Variants in SYNPR observed in about 807,000 individuals in gnomAD.
SYNPR encodes the protein synaptoporin.
SYNPR carries 23 observed loss-of-function variants against 32.9 expected under a neutral mutation model. The observed-to-expected ratio is 0.70, with a 90% CI of 0.50 to 0.99. The LOEUF is 0.99. Among genes scored for constraint, SYNPR ranks in the 50% least tolerant of loss-of-function variants. The pLI, the probability that SYNPR is intolerant of heterozygous loss-of-function variation, is 0.00. For missense variants in SYNPR, 318 were observed against 349.3 expected (o/e 0.91, Z 0.71); for synonymous variants, 146 against 135.9 (o/e 1.07, Z -0.52).
chr3:63,382,070 A>G (rs1019831278), intron 2 of SYNPR, among the ~76,000 whole-genome samples: 3 of 152,154 alleles, frequency 2.0e-5, no homozygotes, highest in African/African-American at 7.2e-5. Flanking sequence ...ACATCAGACA[A>G]TGTTATTATT....
chr3:63,437,360 G>T (rs1264946047), intron 2 of SYNPR, among the ~76,000 whole-genome samples: 1 of 152,080 alleles, frequency 6.6e-6, no homozygotes, highest in East Asian at 1.9e-4. Flanking sequence ...AATTTTATCG[G>T]TTAGGGCAAG....
intron 2 of SYNPR, among the ~76,000 whole-genome samples, chr3:63,391,535 G>T (rs564644892): frequency 2.6e-5 from 4 of 152,104 alleles, no homozygotes; most frequent in Admixed American, 2.6e-4. Flanking sequence ...TAACACCTAT[G>T]AGAATTATGT....
At chr3:63,288,270 CTCT>C (rs1461605993) in intron 2 of SYNPR, among the ~76,000 whole-genome samples, 2 of 152,214 alleles carry the variant, frequency 1.3e-5, no homozygotes, top group African/African-American at 4.8e-5. Context: ...CCCCTTTTGT[CTCT>C]TCTTTCAGCT....
intron 2 of SYNPR, among the ~76,000 whole-genome samples, chr3:63,305,415 A>G (rs2086899925): frequency 6.6e-6 from 1 of 152,068 alleles, no homozygotes; most frequent in Admixed American, 6.6e-5. Flanking sequence ...GTTGACAACC[A>G]ATAAGCATTA....
intron 3 of SYNPR, among the ~76,000 whole-genome samples, chr3:63,512,574 A>T (rs1701717793): frequency 6.6e-6 from 1 of 152,108 alleles, no homozygotes; most frequent in South Asian, 2.1e-4. Context: ...TTAGAGTCAG[A>T]GAAAGATGTG....
At chr3:63,608,432 A>G (rs149447954) in intron 4 of SYNPR, among the ~76,000 whole-genome samples, 4 of 152,318 alleles carry the variant, frequency 2.6e-5, no homozygotes, top group African/African-American at 9.6e-5. Context: ...ACTGTCTAAT[A>G]TGATTATTGT....
rs1471376606 is a variant in SYNPR at position 63,245,702 on chromosome 3, AGAGAGAGAGTGTGT to A, written n.67-6795_67-6782del. Among the ~76,000 whole-genome samples the A allele has an allele frequency of 6.1e-3, 479 of 79,160 alleles. 3 individuals are homozygous for A. Among genetic ancestry groups the A allele is most frequent in the Non-Finnish European group, 6.4e-3 (266 of 41,778 alleles). 51.9% of individuals were successfully genotyped at this position (79,160 alleles called of 152,430 possible). The stretch of plus-strand genomic sequence containing the variant: ...AAGTGAGAGAGAGAGAGAGAGAGAG[AGAGAGAGAGTGTGT>A]GTGTGTGTGTGTGTGTGTGTGTGTA... On this transcript the variant is annotated intron_variant and non_coding_transcript_variant, in intron 1 of 4. Transcript: ENST00000478456.
the SYNPR span, among the ~76,000 whole-genome samples, chr3:63,211,515 G>A: frequency 6.6e-6 from 1 of 152,126 alleles, no homozygotes; most frequent in African/African-American, 2.4e-5. Context: ...GGCTAATCCT[G>A]CTATTATTTT....
chr3:63,231,219 C>T lies in SYNPR; in HGVS notation n.66+2839C>T, dbSNP rs183698919. On this transcript the variant is annotated intron_variant and non_coding_transcript_variant, in intron 1 of 4. Transcript: ENST00000478456. Reference sequence around the variant, plus strand: ...CAGCTACTTGGATGGAGCTGGAAGCCATTATTCTAAGTGAAGTAACTCAGG... The same window carrying T: ...CAGCTACTTGGATGGAGCTGGAAGCTATTATTCTAAGTGAAGTAACTCAGG... 2.3e-3 allele frequency among the ~76,000 whole-genome samples: 344 copies of T among 150,584 alleles called. 2 individuals are homozygous for T. Among genetic ancestry groups the T allele is most frequent in the African/African-American group, 8.0e-3 (331 of 41,182 alleles).
At chr3:63,229,472 C>T (rs934387387) in intron 1 of SYNPR, among the ~76,000 whole-genome samples, 2 of 152,102 alleles carry the variant, frequency 1.3e-5, no homozygotes, top group African/African-American at 4.8e-5. Flanking sequence ...TCTCATGAAA[C>T]AAGGGAGCTA....
chr3:63,307,575 G>A (rs2086920572), intron 2 of SYNPR, among the ~76,000 whole-genome samples: 1 of 151,922 alleles, frequency 6.6e-6, no homozygotes, highest in Non-Finnish European at 1.5e-5. Flanking sequence ...TTGTCAGCCT[G>A]TAGCAGGCAG....
chr3:63,299,513 C>T (rs1174037301), intron 2 of SYNPR, among the ~76,000 whole-genome samples: 1 of 152,050 alleles, frequency 6.6e-6, no homozygotes, highest in Non-Finnish European at 1.5e-5. Context: ...TGCTGTTTCT[C>T]TTGACTCAGA....
chr3:63,308,247 T>A (rs943553145), intron 2 of SYNPR, among the ~76,000 whole-genome samples: 2 of 152,016 alleles, frequency 1.3e-5, no homozygotes, highest in East Asian at 3.9e-4. Flanking sequence ...AAGAAATATA[T>A]CTAATTAATG....
At position 63,606,417 on chromosome 3, in the gene SYNPR, C is replaced by CT. The variant is rs61299069; in HGVS notation, c.409-2686dup. Reference sequence around the variant, plus strand: ...AATTAAGCAGGACCTCAAATCCTTTCTTTTTTTTTTTTTTTTTTTTTTAGC... The same window carrying CT: ...AATTAAGCAGGACCTCAAATCCTTTCTTTTTTTTTTTTTTTTTTTTTTTAGC... On this transcript the variant is annotated intron_variant, in intron 4 of 5. Transcript: ENST00000478300. Among the ~76,000 whole-genome samples, 623 of 68,288 alleles carry CT rather than the reference C, an allele frequency of 9.1e-3. 68 individuals carry two copies. Among genetic ancestry groups the CT allele is most frequent in the Non-Finnish European group, 0.013 (450 of 34,854 alleles). The allele number at this position is 68,288 out of a possible 152,430, so 44.8% of individuals were successfully genotyped here.
chr3:63,334,877 A>C (rs1668274540), intron 2 of SYNPR, among the ~76,000 whole-genome samples: 1 of 152,190 alleles, frequency 6.6e-6, no homozygotes, highest in Non-Finnish European at 1.5e-5. Flanking sequence ...TAATAGTTCC[A>C]CTAGCAGATA....
At chr3:63,311,706 T>C (rs1004630275) in intron 2 of SYNPR, among the ~76,000 whole-genome samples, 10 of 152,058 alleles carry the variant, frequency 6.6e-5, no homozygotes, top group Admixed American at 6.6e-5. Flanking sequence ...TGTATGTATA[T>C]TTCTGTACAT....
At chr3:63,444,314 G>A (rs1302595063) in intron 2 of SYNPR, 1 of 152,210 alleles carries the variant, frequency 6.6e-6, no homozygotes, top group Admixed American at 6.5e-5. Flanking sequence ...AAGATGCTCT[G>A]AATTCTTCAT....
intron 4 of SYNPR, among the ~76,000 whole-genome samples, chr3:63,608,066 G>A (rs1279601581): frequency 6.6e-6 from 1 of 152,064 alleles, no homozygotes; most frequent in East Asian, 1.9e-4. Flanking sequence ...TAAGCAGCAT[G>A]TAACATTTTT....
chr3:63,476,607 AC>A (rs1282612926), intron 2 of SYNPR, among the ~76,000 whole-genome samples: 1 of 152,074 alleles, frequency 6.6e-6, no homozygotes, highest in African/African-American at 2.4e-5. Context: ...TGGCAAAAAA[AC>A]ATCATTCTTC....
Sources: allele counts gnomAD v4.1 joint callset (sites outside exome capture counted in the v4.1 genomes callset), GRCh38; gene constraint gnomAD v4.1.1; transcripts MANE v1.5; gene names NCBI Gene and HGNC (gene_info 2026-07-23, HGNC 2026-07-21).